Variants in WDR72 observed in about 807,000 individuals in gnomAD.
WDR72 encodes WD repeat-containing protein 72.
WDR72 carries 120 observed loss-of-function variants against 124.2 expected under a neutral mutation model. That is an observed-to-expected ratio of 0.97 (90% CI 0.83 to 1.12). The LOEUF (loss-of-function observed/expected upper bound fraction) is 1.12, where lower values mean the gene tolerates loss of function less well. Among genes scored for constraint, WDR72 ranks in the 50% most tolerant of loss-of-function variants. The pLI is 0.00. For missense variants in WDR72, 1,387 were observed against 1,278.8 expected (o/e 1.08, Z -1.29); for synonymous variants, 452 against 441.7 (o/e 1.02, Z -0.29).
intron 14 of WDR72, among the ~76,000 whole-genome samples, chr15:53,641,515 T>A (rs2014849452): frequency 6.6e-6 from 1 of 152,048 alleles, no homozygotes; most frequent in South Asian, 2.1e-4. Context: ...ACTCATTGGT[T>A]CCTGGAAACC....
intron 13 of WDR72, among the ~76,000 whole-genome samples, chr15:53,666,253 G>A (rs565241139): frequency 2.6e-5 from 4 of 152,172 alleles, no homozygotes; most frequent in South Asian, 2.1e-4. Flanking sequence ...CTCCCTCACC[G>A]AAGTGTCCCC....
At chr15:53,750,781 G>A (rs1478033999) in intron 1 of WDR72, among the ~76,000 whole-genome samples, 1 of 152,162 alleles carries the variant, frequency 6.6e-6, no homozygotes, top group Non-Finnish European at 1.5e-5. Context: ...CAAAATTCCA[G>A]TGGAGGAAGT....
intron 18 of WDR72, among the ~76,000 whole-genome samples, chr15:53,578,412 G>A (rs1055865210): frequency 6.6e-6 from 1 of 152,082 alleles, no homozygotes; most frequent in Admixed American, 6.6e-5. Context: ...GACTCTCCAC[G>A]GCTGCCCTTC....
intron 18 of WDR72, among the ~76,000 whole-genome samples, chr15:53,561,083 ATT>A (rs150472320): frequency 0.16 from 23,554 of 151,674 alleles, 2,112 homozygotes; most frequent in South Asian, 0.25. Flanking sequence ...GTATTATTTG[ATT>A]TTGAGTATCA....
chr15:53,529,164 A>ATATGTAT (rs59003623), intron 18 of WDR72, among the ~76,000 whole-genome samples: 7 of 78,168 alleles, frequency 9.0e-5, no homozygotes, highest in Admixed American at 1.4e-4. Context: ...ATATATATAT[A>ATATGTAT]TTTTTTTTTT....
At chr15:53,724,186 T>C (rs1228408798) in intron 2 of WDR72, among the ~76,000 whole-genome samples, 1 of 152,136 alleles carries the variant, frequency 6.6e-6, no homozygotes, top group Non-Finnish European at 1.5e-5. Flanking sequence ...GCTCAAAGGG[T>C]ACAAACACTG....
intron 4 of WDR72, 44 bp downstream of exon 4, chr15:53,716,563 G>A (rs777642862): frequency 2.3e-6 from 3 of 1,297,648 alleles, no homozygotes; most frequent in Non-Finnish European, 3.4e-6. Context: ...CCCTAAACAA[G>A]TTGCAGAATC....
At chr15:53,682,406 T>A (rs992495464) in intron 13 of WDR72, among the ~76,000 whole-genome samples, 5 of 152,166 alleles carry the variant, frequency 3.3e-5, no homozygotes, top group South Asian at 2.1e-4. Flanking sequence ...AAAATATATA[T>A]ATACAACGAG....
chr15:53,572,754 T>C (rs1021269855), intron 18 of WDR72, among the ~76,000 whole-genome samples: 1 of 152,162 alleles, frequency 6.6e-6, no homozygotes, highest in East Asian at 1.9e-4. Context: ...GATACTTGGA[T>C]TTAAAAAGCC....
At chr15:53,645,498 C>T (rs1280367240) in intron 14 of WDR72, among the ~76,000 whole-genome samples, 1 of 152,112 alleles carries the variant, frequency 6.6e-6, no homozygotes, top group Non-Finnish European at 1.5e-5. Flanking sequence ...TATCCAGTTA[C>T]ATTTTTAATG....
intron 14 of WDR72, among the ~76,000 whole-genome samples, chr15:53,626,571 A>G (rs974197354): frequency 1.3e-5 from 2 of 152,206 alleles, no homozygotes; most frequent in African/African-American, 4.8e-5. Flanking sequence ...CAGAGTTCCC[A>G]TACAAAGGGA....
chr15:53,730,032 G>C (rs905269373), intron 2 of WDR72, among the ~76,000 whole-genome samples: 1 of 152,176 alleles, frequency 6.6e-6, no homozygotes, highest in African/African-American at 2.4e-5. Context: ...ACCCAAAAGA[G>C]TTGAAAGCAA....
intron 14 of WDR72, among the ~76,000 whole-genome samples, chr15:53,660,309 T>C (rs925166151): frequency 6.6e-6 from 1 of 152,138 alleles, no homozygotes; most frequent in Non-Finnish European, 1.5e-5. Context: ...TGAATTATTA[T>C]TTAATACTTT....
intron 18 of WDR72, among the ~76,000 whole-genome samples, chr15:53,528,445 GT>G (rs569279807): frequency 2.6e-5 from 4 of 152,014 alleles, no homozygotes; most frequent in Non-Finnish European, 5.9e-5. Context: ...TTACAGACAA[GT>G]TTAGCAAGAT....
intron 14 of WDR72, among the ~76,000 whole-genome samples, chr15:53,654,728 T>A (rs1310408554): frequency 6.6e-6 from 1 of 152,220 alleles, no homozygotes; most frequent in East Asian, 1.9e-4. Context: ...CAGATGTATA[T>A]TGAGGGCATA....
At chr15:53,685,720 G>T (rs1486476542) in intron 13 of WDR72, among the ~76,000 whole-genome samples, 3 of 151,294 alleles carry the variant, frequency 2.0e-5, no homozygotes, top group East Asian at 3.9e-4. Flanking sequence ...ACACCGCAAA[G>T]ATACTCCTCG....
intron 17 of WDR72, among the ~76,000 whole-genome samples, chr15:53,609,006 G>T (rs766423018): frequency 1.9e-4 from 29 of 151,820 alleles, no homozygotes; most frequent in Non-Finnish European, 3.7e-4. Context: ...GTGTATAAAT[G>T]GATTATTTCT....
At chr15:53,702,690 T>A (rs187030048) in intron 11 of WDR72, among the ~76,000 whole-genome samples, 1 of 152,214 alleles carries the variant, frequency 6.6e-6, no homozygotes, top group African/African-American at 2.4e-5. Context: ...CTGGCCAACA[T>A]GGTGAAACCC....
chr15:53,622,360 A>G (rs2014029481), intron 14 of WDR72, among the ~76,000 whole-genome samples: 1 of 152,170 alleles, frequency 6.6e-6, no homozygotes, highest in Non-Finnish European at 1.5e-5. Context: ...ACAATAGCAA[A>G]GATATGGAAT....
Sources: allele counts gnomAD v4.1 joint callset (sites outside exome capture counted in the v4.1 genomes callset), GRCh38; gene constraint gnomAD v4.1.1; transcripts MANE v1.5; gene names NCBI Gene and HGNC (gene_info 2026-07-23, HGNC 2026-07-21).